Variants in CHD8 observed in about 807,000 individuals in gnomAD.
CHD8 encodes the protein chromodomain helicase DNA binding protein 8, also known as ATP-dependent chromatin remodeler CHD8.
In CHD8, 31 loss-of-function variants were observed where a neutral mutation model predicts 279.2. That is an observed-to-expected ratio of 0.11 (90% CI 0.08 to 0.15). The LOEUF is 0.15. Among genes scored for constraint, CHD8 ranks in the 10% least tolerant of loss-of-function variants. The pLI is 1.00. For missense variants in CHD8, 2,146 were observed against 3,230.5 expected (o/e 0.66, Z 8.14); for synonymous variants, 1,081 against 1,139.6 (o/e 0.95, Z 1.04).
At chr14:21,451,659 G>T (rs1396041296) in intron 1 of CHD8, among the ~76,000 whole-genome samples, 1 of 145,584 alleles carries the variant, frequency 6.9e-6, no homozygotes, top group South Asian at 2.2e-4. Flanking sequence ...TTATTATCCT[G>T]TACCATACAA....
At chr14:21,387,313 CTG>C (rs1267401236) in intron 37 of CHD8, among the ~76,000 whole-genome samples, 1 of 151,362 alleles carries the variant, frequency 6.6e-6, no homozygotes, top group African/African-American at 2.4e-5. Flanking sequence ...TAGCGAAACT[CTG>C]TCCCTACTAA....
At chr14:21,436,917 G>T in intron 1 of CHD8, 1 of 1,286,298 alleles carries the variant, frequency 7.8e-7, no homozygotes, top group African/African-American at 1.5e-5. Flanking sequence ...ATACTGCCGG[G>T]GTTGGTGCCA....
At position 21,429,033 on chromosome 14, in the gene CHD8, C is replaced by A. The variant is rs753181167; in HGVS notation, c.1146G>T (p.Gln382His). The A allele has an allele frequency of 4.3e-6, 7 of 1,614,022 alleles. No homozygotes were observed. In the South Asian group the frequency reaches 6.6e-5, roughly 15 times the overall value. The change falls in exon 3 of 38, where the codon CAG becomes CAT. Residue 382 changes from glutamine (Q) to histidine (H), a missense_variant. This residue lies in a region of CHD8 where 170 missense variants were observed against 189.9 expected (regional missense o/e 0.90). Transcript: ENST00000646647. ...CTGGGCTTTGTCCTGGTCCCATTATCTGAGCCTGCTGTACAGAGGACAGAG... is the reference window on the plus strand; with the variant it reads ...CTGGGCTTTGTCCTGGTCCCATTATATGAGCCTGCTGTACAGAGGACAGAG... ...PVTLSSVQQA[Q>H]IMGPGQSPGQ...
rs770915396 is a variant in CHD8 at position 21,400,075 on chromosome 14, A to G, written c.4728-5T>C. 5 of 1,613,610 alleles carry G rather than the reference A, an allele frequency of 3.1e-6. No homozygotes were observed. The highest frequency in any genetic ancestry group is 4.5e-5 in the East Asian group (2 of 44,862). Reference sequence around the variant, plus strand: ...ATTCGTACCCGCAACAGTACCCTAGAAAGGACAGAGGAAGAGCTGGCTCAG... The same window carrying G: ...ATTCGTACCCGCAACAGTACCCTAGGAAGGACAGAGGAAGAGCTGGCTCAG... On this transcript the variant is annotated splice_polypyrimidine_tract_variant and splice_region_variant and intron_variant, in intron 24 of 37. Coordinates refer to ENST00000646647, the MANE Select transcript of CHD8 (RefSeq NM_001170629.2). The surrounding 1 kb of genome is among the most constrained non-coding windows in gnomAD (Gnocchi z 4.2).
At chr14:21,433,706 T>C (rs537523505) in intron 1 of CHD8, among the ~76,000 whole-genome samples, 16 of 152,278 alleles carry the variant, frequency 1.1e-4, no homozygotes, top group Non-Finnish European at 1.9e-4. Flanking sequence ...AACAAGATCG[T>C]CCTTGCTTCA....
Position 21,400,645 on chromosome 14 carries a change from TGA to T in CHD8, c.4371-35_4371-34del. On this transcript the variant is annotated intron_variant, in intron 22 of 37. Transcript: ENST00000646647. This position sits in a 1 kb window ranked among gnomAD's most constrained non-coding sequence, Gnocchi z 4.2. Reference sequence around the variant, plus strand: ...ACAGAAAACTATATTAACATTTTTCTGAGAAATGACAGTCCCCTGTCCCTCAG... The same window carrying T: ...ACAGAAAACTATATTAACATTTTTCTGAAATGACAGTCCCCTGTCCCTCAG... 1 of 1,526,722 alleles carries T rather than the reference TGA, an allele frequency of 6.5e-7. No homozygotes were observed. The highest frequency in any genetic ancestry group is 1.3e-5 in the South Asian group (1 of 76,212). The allele number at this position is 1,526,722 out of a possible 1,614,324, so 94.6% of individuals were successfully genotyped here.
chr14:21,404,055 C>T (rs985042659), intron 16 of CHD8, among the ~76,000 whole-genome samples: 6 of 149,904 alleles, frequency 4.0e-5, no homozygotes, highest in South Asian at 2.1e-4. Context: ...GCTGAGATTG[C>T]GCCACTGCAC....
At chr14:21,410,092 C>T in intron 10 of CHD8, 104 bp from the exon 11 acceptor site, 1 of 1,144,206 alleles carries the variant, frequency 8.7e-7, no homozygotes, top group Non-Finnish European at 1.2e-6. Context: ...AGTATCAGTA[C>T]CTAGAAGCCG....
At position 21,397,971 on chromosome 14, in the gene CHD8, T is replaced by C. The variant is rs564257230; in HGVS notation, c.4922-19A>G. 2.6e-4 allele frequency: 407 copies of C among 1,589,334 alleles called. 1 individual carries two copies. The South Asian group carries it at 4.2e-3, about 16-fold the overall frequency. On this transcript the variant is annotated intron_variant, in intron 26 of 37. Transcript: ENST00000646647. Reference sequence around the variant, plus strand: ...TCATAGCCTAGAAGAAAAAGGGTCATAGTTGAAGAAAATGAGATTTGTTTT... The same window carrying C: ...TCATAGCCTAGAAGAAAAAGGGTCACAGTTGAAGAAAATGAGATTTGTTTT...
chr14:21,428,220 G>C lies in CHD8; in HGVS notation c.1250C>G (p.Ser417Cys). The C allele has an allele frequency of 6.2e-7, 1 of 1,614,026 alleles. No homozygotes were observed. Among genetic ancestry groups the C allele is most frequent in the Non-Finnish European group, 8.5e-7 (1 of 1,179,894 alleles). ...GSSQGASSGL[S>C]VVKVLSASEV... ...ACTGGCACTCAGAACTTTAACTACA[G>C]AGAGCCCAGAAGAGGCCCCTTGGGA... The change falls in exon 4 of 38, where the codon TCT (serine) becomes TGT (cysteine). Residue 417 changes from serine (S) to cysteine (C), a missense_variant. Coordinates refer to ENST00000646647, the MANE Select transcript of CHD8 (RefSeq NM_001170629.2).
In CHD8 at chr14:21,431,062, T is replaced by C; in HGVS notation, c.582A>G (p.Thr194=). 6.3e-7 allele frequency: 1 copy of C among 1,599,334 alleles called. No individual in the cohort carries two copies. Among genetic ancestry groups the C allele is most frequent in the Non-Finnish European group, 8.5e-7 (1 of 1,179,696 alleles). Residue 194 remains threonine, a synonymous_variant, in exon 2 of 38, where the codon ACA becomes ACG. Transcript: ENST00000646647. ...TSTAQPLVAG[T]ANGGKVTFTK... is the part of the protein sequence containing the mutation. ...TAAAAGTGACTTTTCCACCATTGGC[T>C]GTGCCTGCCACCAGGGGCTGAGCTG...
At chr14:21,454,177 G>GAAAAGAAAAGAA (rs1257097671) in intron 1 of CHD8, among the ~76,000 whole-genome samples, 1 of 125,942 alleles carries the variant, frequency 7.9e-6, no homozygotes, top group Non-Finnish European at 1.6e-5. Context: ...GAAAAGAAAA[G>GAAAAGAAAAGAA]AAAAGAAAAG....
chr14:21,407,695 G>A (rs968086197), intron 13 of CHD8, among the ~76,000 whole-genome samples: 4 of 150,754 alleles, frequency 2.7e-5, no homozygotes, highest in South Asian at 2.1e-4. Flanking sequence ...TGCAGCCTTC[G>A]CCTCCTGGTT....
In CHD8 at chr14:21,400,058, C is replaced by T. The variant is rs1297909040; in HGVS notation, c.4740G>A (p.Arg1580=). The part of the protein sequence containing the change: ...LKHQCNKVLL[R]VRMLYYLRQE... ...GCCTCAGGTAGTATAGCATTCGTAC[C>T]CGCAACAGTACCCTAGAAAGGACAG... The change falls in exon 25 of 38, where the codon CGG becomes CGA. Residue 1580 remains arginine (R), a synonymous_variant. Transcript: ENST00000646647. The surrounding 1 kb of genome is among the most constrained non-coding windows in gnomAD (Gnocchi z 4.2). The T allele has an allele frequency of 4.3e-6, 7 of 1,613,682 alleles. No homozygotes were observed. The highest frequency in any genetic ancestry group is 5.1e-6 in the Non-Finnish European group (6 of 1,179,808).
chr14:21,388,341 C>T (rs1461068913), intron 37 of CHD8, among the ~76,000 whole-genome samples: 1 of 151,892 alleles, frequency 6.6e-6, no homozygotes, highest in Non-Finnish European at 1.5e-5. Flanking sequence ...TAAAAAATAA[C>T]AAGAGAAAAT....
intron 37 of CHD8, among the ~76,000 whole-genome samples, chr14:21,388,126 A>C (rs1043022756): frequency 6.6e-6 from 1 of 152,248 alleles, no homozygotes. Context: ...TAATATAAAA[A>C]TAAGCCTCAT....
intron 1 of CHD8, among the ~76,000 whole-genome samples, chr14:21,446,186 C>T (rs1483195535): frequency 6.6e-6 from 1 of 152,026 alleles, no homozygotes; most frequent in African/African-American, 2.4e-5. Context: ...AGCGAGATTC[C>T]GTCTCAGAAA....
Position 21,385,276 on chromosome 14 carries a change from G to C in CHD8, c.*337C>G, listed in dbSNP as rs921065792. ...GACCCTCCAGCTGTATCCACAGTTC[G>C]GCCAGGAACAGGCTCTGCCAGAGGC... On this transcript the variant is annotated 3_prime_UTR_variant, in exon 38 of 38. Coordinates refer to ENST00000646647, the MANE Select transcript of CHD8 (RefSeq NM_001170629.2). 1 of 280,352 alleles carries C rather than the reference G, an allele frequency of 3.6e-6. No homozygotes were observed. Among genetic ancestry groups the C allele is most frequent in the Non-Finnish European group, 6.7e-6 (1 of 149,208 alleles). 17.4% of individuals were successfully genotyped at this position (280,352 alleles called of 1,614,324 possible). A position where few individuals can be genotyped will look rare whatever the true frequency, so the allele number is the denominator to read the frequency against.
rs1317861639 is a variant in CHD8 at position 21,385,322 on chromosome 14, C to CACT, written c.*290_*291insAGT. On this transcript the variant is annotated 3_prime_UTR_variant, in exon 38 of 38. Coordinates refer to ENST00000646647, the MANE Select transcript of CHD8 (RefSeq NM_001170629.2). Reference sequence around the variant, plus strand: ...GAGGCTAGGGCCAGCGCTACATAGTCTGTGGTTAATGGAGGTGACTAGGGA... The same window carrying CACT: ...GAGGCTAGGGCCAGCGCTACATAGTCACTTGTGGTTAATGGAGGTGACTAGGGA... 37 of 431,592 alleles carry CACT rather than the reference C, an allele frequency of 8.6e-5. No homozygotes were observed. The East Asian group carries it at 1.3e-3, about 15-fold the overall frequency. 26.7% of individuals were successfully genotyped at this position (431,592 alleles called of 1,614,324 possible).
Sources: gnomAD v4.1 joint callset for allele counts (sites outside exome capture counted in the v4.1 genomes callset) on GRCh38, gnomAD v4.1.1 for gene constraint, gnomAD v4.1.1 regional missense constraint, Gnocchi (gnomAD v3.1) non-coding constraint, MANE v1.5 for transcripts, NCBI Gene and HGNC (gene_info 2026-07-23, HGNC 2026-07-21) for gene names.